Variants in RBM26 observed in about 807,000 individuals in gnomAD.
RBM26 encodes RNA binding motif protein 26, also known as RNA-binding protein 26.
RBM26 carries 30 observed loss-of-function variants against 123.6 expected under a neutral mutation model. The observed-to-expected ratio is 0.24, with a 90% CI of 0.18 to 0.33. The LOEUF is 0.33. Among genes scored for constraint, RBM26 ranks in the 10% least tolerant of loss-of-function variants. RBM26 has a pLI of 1.00. For missense variants in RBM26, 947 were observed against 1,203.6 expected (o/e 0.79, Z 3.15); for synonymous variants, 400 against 404.4 (o/e 0.99, Z 0.13).
rs565392093 is a variant in RBM26, at chr13:79,341,920, T to C, written c.2428-693A>G. Among the ~76,000 whole-genome samples, 5 of 151,932 alleles carry C rather than the reference T, an allele frequency of 3.3e-5. No individual in the cohort carries two copies. In the East Asian group the frequency reaches 9.6e-4, roughly 29 times the overall value. ...AGACCACAGTTCTGACTTTACACCT[T>C]TAGTGGAATACACCGAGGCTGTAAA... On this transcript the variant is annotated intron_variant, in intron 17 of 21. Coordinates refer to ENST00000438737, the MANE Select transcript of RBM26 (RefSeq NM_001366735.2).
At chr13:79,356,599 T>C (rs2074040677) in intron 11 of RBM26, among the ~76,000 whole-genome samples, 1 of 152,146 alleles carries the variant, frequency 6.6e-6, no homozygotes, top group Admixed American at 6.5e-5. Context: ...TCAATAAACA[T>C]TAATTATAAC....
downstream of RBM26, among the ~76,000 whole-genome samples, chr13:79,317,170 G>A (rs1237190221): frequency 6.6e-6 from 1 of 151,674 alleles, no homozygotes; most frequent in East Asian, 1.9e-4. Flanking sequence ...CTATTTTATA[G>A]GCTGAATGTA....
chr13:79,323,125 C>T (rs1004443825), intron 20 of RBM26, among the ~76,000 whole-genome samples: 15 of 151,286 alleles, frequency 9.9e-5, no homozygotes, highest in African/African-American at 2.7e-4. Flanking sequence ...GAATATAAAA[C>T]GTGAACTTAA....
At chr13:79,397,180 C>CA (rs1320788959) in intron 1 of RBM26, among the ~76,000 whole-genome samples, 5 of 150,070 alleles carry the variant, frequency 3.3e-5, no homozygotes, top group East Asian at 3.9e-4. Context: ...GACTCTGTCT[C>CA]AAAAAAAAGA....
chr13:79,350,731 A>AT (rs200234000), intron 14 of RBM26, among the ~76,000 whole-genome samples: 9 of 151,890 alleles, frequency 5.9e-5, no homozygotes, highest in African/African-American at 1.7e-4. Context: ...CCCTGCCTTC[A>AT]TTTTTTTTAA....
In RBM26 at chr13:79,337,308, A is replaced by C; in HGVS notation, c.2533-6T>G. The C allele has an allele frequency of 1.2e-6, 2 of 1,614,116 alleles. No homozygotes were observed. Among genetic ancestry groups the C allele is most frequent in the Non-Finnish European group, 1.7e-6 (2 of 1,179,996 alleles). On this transcript the variant is annotated splice_region_variant and splice_polypyrimidine_tract_variant and intron_variant, in intron 18 of 21. Transcript: ENST00000438737. Reference sequence around the variant, plus strand: ...AGAATCCCTCGTTTGGCAGCCTAGAAGAGATTAGACACACAGGTTAAACAA... The same window carrying C: ...AGAATCCCTCGTTTGGCAGCCTAGACGAGATTAGACACACAGGTTAAACAA...
rs1566580758 is a variant in RBM26, at chr13:79,392,055, TATA to T, written c.72-13151_72-13149del. Among the ~76,000 whole-genome samples, 269 of 138,736 alleles carry T rather than the reference TATA, an allele frequency of 1.9e-3. 13 individuals are homozygous for T. Among genetic ancestry groups the T allele is most frequent in the African/African-American group, 6.3e-3 (238 of 37,630 alleles). 91.0% of individuals were successfully genotyped at this position (138,736 alleles called of 152,430 possible). A position where few individuals can be genotyped will look rare whatever the true frequency, so the allele number is the denominator to read the frequency against. ...TTATATATTATACAATACATTATTA[TATA>T]ATTATGTATTATACAATAATACATA... is the stretch of plus-strand genomic sequence containing the variant. On this transcript the variant is annotated intron_variant, in intron 1 of 21. Coordinates refer to ENST00000438737, the MANE Select transcript of RBM26 (RefSeq NM_001366735.2).
intron 3 of RBM26, among the ~76,000 whole-genome samples, chr13:79,374,083 C>A (rs1027787751): frequency 2.6e-5 from 4 of 152,080 alleles, no homozygotes; most frequent in African/African-American, 9.7e-5. Context: ...ATAAGATATT[C>A]TCATGCAGGT....
intron 1 of RBM26, among the ~76,000 whole-genome samples, chr13:79,384,346 G>T (rs1384061055): frequency 6.7e-6 from 1 of 149,984 alleles, no homozygotes; most frequent in African/African-American, 2.5e-5. Context: ...TTGAAACCTT[G>T]AACTCCTGCC....
rs768213030 is a variant in RBM26 at position 79,368,845 on chromosome 13, A to G, written c.780T>C (p.Pro260=). Reference sequence around the variant, plus strand: ...CGGTAGTGTTGTTTCCATGATGAGTAGGAGCAATTACTGTAATAGTGCTGC... The same window carrying G: ...CGGTAGTGTTGTTTCCATGATGAGTGGGAGCAATTACTGTAATAGTGCTGC... The part of the protein sequence containing the change: ...TLSSTITVIA[P]THHGNNTTES... Residue 260 remains proline (P), a synonymous_variant, in exon 6 of 22, where the codon CCT becomes CCC. Transcript: ENST00000438737. The G allele has an allele frequency of 6.2e-7, 1 of 1,614,000 alleles. No individual in the cohort carries two copies. Among genetic ancestry groups the G allele is most frequent in the South Asian group, 1.1e-5 (1 of 91,078 alleles).
intron 11 of RBM26, among the ~76,000 whole-genome samples, chr13:79,357,397 A>G (rs1348228442): frequency 1.3e-5 from 2 of 152,088 alleles, no homozygotes; most frequent in Non-Finnish European, 2.9e-5. Context: ...AAAATGGGGG[A>G]AAAATTCAAC....
exon 5 of RBM26, chr13:79,313,523 C>A (rs375540321): frequency 1.3e-5 from 2 of 151,642 alleles, no homozygotes; most frequent in East Asian, 3.9e-4. Flanking sequence ...TAGCAGTAAA[C>A]CAGTGTAGTA....
Position 79,344,732 on chromosome 13 carries a change from T to G in RBM26, c.2121A>C (p.Ala707=). 6.2e-7 allele frequency: 1 copy of G among 1,613,384 alleles called. No individual in the cohort carries two copies. The highest frequency in any genetic ancestry group is 8.5e-7 in the Non-Finnish European group (1 of 1,179,502). ...AGGTGGAAACAAGTAAGGTTTTCTG[T>G]GCAGCCTTCAAAGCAGCTGGATTAT... ...TVYNPAALKA[A]QKTLLVSTSA... Residue 707 remains alanine (A), a synonymous_variant, in exon 15 of 22, where the codon GCA becomes GCC. Transcript: ENST00000438737.
chr13:79,357,673 C>A (rs971736324), intron 11 of RBM26, among the ~76,000 whole-genome samples: 1 of 152,116 alleles, frequency 6.6e-6, no homozygotes, highest in African/African-American at 2.4e-5. Flanking sequence ...ACTAAAATTT[C>A]TGCTGAAATG....
At chr13:79,335,375 T>C (rs752279156) in intron 19 of RBM26, among the ~76,000 whole-genome samples, 23 of 152,144 alleles carry the variant, frequency 1.5e-4, no homozygotes, top group Non-Finnish European at 2.9e-4. Flanking sequence ...TAATGAATTA[T>C]TGTAAGGCAC....
intron 1 of RBM26, among the ~76,000 whole-genome samples, chr13:79,398,172 T>C (rs2078755879): frequency 2.0e-5 from 3 of 152,236 alleles, no homozygotes; most frequent in Admixed American, 2.0e-4. Context: ...ATTTCTCTCA[T>C]TCATTCTTTT....
Position 79,344,783 on chromosome 13 carries a change from T to C in RBM26, c.2070A>G (p.Thr690=). Residue 690 remains threonine (T), a synonymous_variant, in exon 15 of 22, where the codon ACA becomes ACG. Transcript: ENST00000438737. ...ACACTGTTTTTGTTAGGCCAGTAGA[T>C]GTAGACAACACCTACCAATACAAAT... ...SVSATEKVLS[T]STGLTKTVYN... 4 of 1,612,578 alleles carry C rather than the reference T, an allele frequency of 2.5e-6. No individual in the cohort carries two copies. Among genetic ancestry groups the C allele is most frequent in the East Asian group, 2.2e-5 (1 of 44,778 alleles).
Position 79,368,800 on chromosome 13 carries a change from A to G in RBM26, c.825T>C (p.His275=). ...NNTTESWSEF[H]EDQVDHNSYV... Reference sequence around the variant, plus strand: ...AAGAGTTATGGTCCACTTGGTCTTCATGAAATTCAGACCAACTTTCGGTAG... The same window carrying G: ...AAGAGTTATGGTCCACTTGGTCTTCGTGAAATTCAGACCAACTTTCGGTAG... The change falls in exon 6 of 22, where the codon CAT becomes CAC. Residue 275 remains histidine, a synonymous_variant. Transcript: ENST00000438737. The G allele has an allele frequency of 6.2e-7, 1 of 1,614,016 alleles. No individual in the cohort carries two copies. Among genetic ancestry groups the G allele is most frequent in the African/African-American group, 1.3e-5 (1 of 75,056 alleles).
rs566184724 is a variant in RBM26, at chr13:79,337,951, C to G, written c.2533-649G>C. Among the ~76,000 whole-genome samples the G allele has an allele frequency of 3.9e-5, 6 of 152,292 alleles. No individual in the cohort carries two copies. In the South Asian group the frequency reaches 1.2e-3, roughly 32 times the overall value. On this transcript the variant is annotated intron_variant, in intron 18 of 21. Coordinates refer to ENST00000438737, the MANE Select transcript of RBM26 (RefSeq NM_001366735.2). ...ACTAAGTTATGGCCAGGAGTGGTGG[C>G]TCACGCCTGTAATCCCAAAACTTTA...
Sources: gnomAD v4.1 joint callset for allele counts (sites outside exome capture counted in the v4.1 genomes callset) on GRCh38, gnomAD v4.1.1 for gene constraint, MANE v1.5 for transcripts, NCBI Gene and HGNC (gene_info 2026-07-23, HGNC 2026-07-21) for gene names.